Variants in ESS2 observed in about 807,000 individuals in gnomAD.
The protein encoded by ESS2 is ess-2 spliceosome associated protein.
Under a neutral mutation model 52.0 loss-of-function variants are expected in ESS2, and 31 were observed. The ratio of observed to expected loss-of-function variants is 0.60; its 90% CI spans 0.45 to 0.81. ESS2 has a LOEUF of 0.81. ESS2 is among the 30% of genes least tolerant of loss of function. The pLI is 0.00. For synonymous variants in ESS2, 285 were observed against 259.2 expected, an observed-to-expected ratio of 1.10 and a Z score of -0.95; for missense variants, 602 against 637.2, an observed-to-expected ratio of 0.94 and a Z score of 0.59.
Position 19,131,747 on chromosome 22 carries a change from G to A in ESS2, c.*2449C>T. 1.2e-6 allele frequency: 2 copies of A among 1,614,132 alleles called. No individual in the cohort carries two copies. The highest frequency in any genetic ancestry group is 1.1e-5 in the South Asian group (1 of 91,068). ...TGCATGAGGACGTGGCACGCAAGAT[G>A]TTCCGACAGCTCTCCTCCGCCGTCA... On this transcript the variant is annotated 3_prime_UTR_variant, in exon 10 of 10. Transcript: ENST00000252137. The surrounding 1 kb of genome is among the most constrained non-coding windows in gnomAD (Gnocchi z 5.7).
Position 19,134,396 on chromosome 22 carries a change from C to T in ESS2, c.1231G>A (p.Asp411Asn), listed in dbSNP as rs761563805. Residue 411 changes from aspartate (D) to asparagine (N), a missense_variant, in exon 10 of 10, where the codon GAC becomes AAC. Physicochemically the swap from Asp to Asn is conservative, Grantham distance 23 (BLOSUM62 1). Transcript: ENST00000252137. ...GTGTAGCTGGCCCGCAGGGCCCGGT[C>T]TGTGTACTTGCTGGCCGTCCTGCTC... ...LVSRTASKYT[D>N]RALRASYTPS... 5.6e-6 allele frequency: 9 copies of T among 1,611,270 alleles called. No homozygotes were observed. In the Admixed American group the frequency reaches 1.5e-4, roughly 27 times the overall value.
intron 8 of ESS2, 61 bp downstream of exon 8, chr22:19,137,262 A>T: frequency 8.0e-7 from 1 of 1,253,794 alleles, no homozygotes; most frequent in Non-Finnish European, 1.1e-6. Flanking sequence ...AGCCACAGGC[A>T]CTCAGGGCTC....
In ESS2 at chr22:19,134,017, TG is replaced by T. The variant is rs1390548320; in HGVS notation, c.*178del. On this transcript the variant is annotated 3_prime_UTR_variant, in exon 10 of 10. Coordinates refer to ENST00000252137, the MANE Select transcript of ESS2 (RefSeq NM_022719.3). ...CTTGGCAAGGCCCTGGGGTGTGGTG[TG>T]GGCACGAGTGCCTTGTGCCAGTCTG... 1.4e-5 allele frequency: 9 copies of T among 643,940 alleles called. No individual in the cohort carries two copies. In the African/African-American group the frequency reaches 1.7e-4, roughly 12 times the overall value. 39.9% of individuals were successfully genotyped at this position (643,940 alleles called of 1,614,324 possible). A position where few individuals can be genotyped will look rare whatever the true frequency, so the allele number is the denominator to read the frequency against.
At position 19,140,032 on chromosome 22, in the gene ESS2, G is replaced by A; in HGVS notation, c.401-8C>T. ...CCTCCTCTCCAGCCTCTCCTGCTTA[G>A]GGGTTGCGGGAGGAGGAACACAGCA... On this transcript the variant is annotated splice_polypyrimidine_tract_variant and splice_region_variant and intron_variant, in intron 3 of 9. Transcript: ENST00000252137. The A allele has an allele frequency of 6.2e-7, 1 of 1,613,096 alleles. No homozygotes were observed. The highest frequency in any genetic ancestry group is 8.5e-7 in the Non-Finnish European group (1 of 1,179,898).
At chr22:19,140,133 T>A in intron 3 of ESS2, 109 bp from the exon 4 acceptor site, 2 of 1,356,514 alleles carry the variant, frequency 1.5e-6, no homozygotes, top group Admixed American at 1.9e-5. Flanking sequence ...TGGAATCCTC[T>A]CCCCTGGTCC....
Position 19,133,202 on chromosome 22 carries a change from G to C in ESS2, c.*994C>G, listed in dbSNP as rs1046531496. On this transcript the variant is annotated 3_prime_UTR_variant, in exon 10 of 10. Transcript: ENST00000252137. ...CACTGGCCGGTCTTTTGTGCTTCCTGCTGGGTCACCCATTGCTCCCAAAGC... is the reference window on the plus strand; with the variant it reads ...CACTGGCCGGTCTTTTGTGCTTCCTCCTGGGTCACCCATTGCTCCCAAAGC... The C allele has an allele frequency of 6.6e-6, 1 of 152,282 alleles. No homozygotes were observed. The highest frequency in any genetic ancestry group is 1.5e-5 in the Non-Finnish European group (1 of 68,094). 9.4% of individuals were successfully genotyped at this position (152,282 alleles called of 1,614,324 possible).
chr22:19,142,627 G>T lies in ESS2; in HGVS notation c.311C>A (p.Thr104Asn), dbSNP rs1361818462. ...CTCAGGGGTTTCAAATGTGGCTGGAGTCACATCTAGGGGAAGAGAGGGGGA... is the reference window on the plus strand; with the variant it reads ...CTCAGGGGTTTCAAATGTGGCTGGATTCACATCTAGGGGAAGAGAGGGGGA... ...MSREPPPPYVTPATFETPEVH... is the reference protein window; with the variant it reads ...MSREPPPPYVNPATFETPEVH... Residue 104 changes from threonine to asparagine, a missense_variant, in exon 3 of 10, where the codon ACT becomes AAT. By Grantham distance (65) the Thr-to-Asn change is moderately conservative. Transcript: ENST00000252137. 2 of 1,613,076 alleles carry T rather than the reference G, an allele frequency of 1.2e-6. No homozygotes were observed. Among genetic ancestry groups the T allele is most frequent in the Non-Finnish European group, 1.7e-6 (2 of 1,179,648 alleles).
rs1431413489 is a variant in ESS2, at chr22:19,142,882, C to G, written c.148G>C (p.Val50Leu). The change falls in exon 2 of 10, where the codon GTC becomes CTC. Residue 50 changes from valine to leucine, a missense_variant. Transcript: ENST00000252137. The stretch of plus-strand genomic sequence containing the variant: ...TCAGGAAAGAAATCCCTTTGGATGA[C>G]CGTCTGGAGGCCCTGCAAGGAGAGA... ...EEEYIEGLQT[V>L]IQRDFFPDVE... The G allele has an allele frequency of 6.2e-7, 1 of 1,613,442 alleles. No individual in the cohort carries two copies. Among genetic ancestry groups the G allele is most frequent in the Non-Finnish European group, 8.5e-7 (1 of 1,179,728 alleles).
chr22:19,144,129 A>G, intron 1 of ESS2: 2 of 1,041,182 alleles, frequency 1.9e-6, no homozygotes, highest in Non-Finnish European at 2.3e-6. Context: ...CTCACTCGAG[A>G]TGCTGTCACA....
rs1489663652 is a variant in ESS2, at chr22:19,141,867, T to G, written c.400+671A>C. On this transcript the variant is annotated intron_variant, in intron 3 of 9. Transcript: ENST00000252137. Reference sequence around the variant, plus strand: ...AGCCAGGAGTGGTGGCAGGCGCCTGTAATCCCAGCTATTTGGGAGGCTAAG... The same window carrying G: ...AGCCAGGAGTGGTGGCAGGCGCCTGGAATCCCAGCTATTTGGGAGGCTAAG... 3.9e-5 allele frequency among the ~76,000 whole-genome samples: 6 copies of G among 152,088 alleles called. No individual in the cohort carries two copies. The East Asian group carries it at 1.2e-3, about 29-fold the overall frequency.
At chr22:19,138,842 G>A (rs542272050) in intron 6 of ESS2, among the ~76,000 whole-genome samples, 11 of 152,304 alleles carry the variant, frequency 7.2e-5, no homozygotes, top group Admixed American at 2.0e-4. Flanking sequence ...CTCCCTCTGC[G>A]GCTCTCTGGC....
chr22:19,134,468 G>C lies in ESS2; in HGVS notation c.1159C>G (p.Pro387Ala). 1.3e-6 allele frequency: 2 copies of C among 1,559,782 alleles called. No homozygotes were observed. Among genetic ancestry groups the C allele is most frequent in the Non-Finnish European group, 1.7e-6 (2 of 1,149,472 alleles). ...RVTENLASLT[P>A]KGLSPAMSPA... is the part of the protein sequence containing the mutation. The stretch of plus-strand genomic sequence containing the variant: ...GACATGGCTGGGCTCAGGCCTTTGG[G>C]GGTGAGGCTGGGGTGGAGGAATGGG... The change falls in exon 10 of 10, where the codon CCC becomes GCC. Residue 387 changes from proline to alanine, a missense_variant. Transcript: ENST00000252137.
chr22:19,135,021 C>T (rs758341254), intron 9 of ESS2, 39 bp downstream of exon 9: 2 of 1,585,434 alleles, frequency 1.3e-6, no homozygotes, highest in South Asian at 2.2e-5. Flanking sequence ...CAGGCCAGAG[C>T]CACCCTCGCA....
At chr22:19,135,609 C>T (rs1420124492) in intron 8 of ESS2, among the ~76,000 whole-genome samples, 2 of 152,106 alleles carry the variant, frequency 1.3e-5, no homozygotes, top group African/African-American at 2.4e-5. Flanking sequence ...AACTGTGCTA[C>T]GCTGTGCACA....
intron 3 of ESS2, among the ~76,000 whole-genome samples, chr22:19,141,764 G>T (rs2083690197): frequency 6.6e-6 from 1 of 152,204 alleles, no homozygotes; most frequent in Admixed American, 6.5e-5. Flanking sequence ...GAGGCAGACA[G>T]ATCACCTGAG....
chr22:19,140,112 A>G, intron 3 of ESS2, 88 bp from the exon 4 acceptor site: 1 of 1,492,574 alleles, frequency 6.7e-7, no homozygotes, highest in Admixed American at 1.7e-5. Context: ...ATAGCCCCCA[A>G]CATGCAGGGC....
rs1306839570 is a variant in ESS2, at chr22:19,139,210, G to A, written c.771C>T (p.Ser257=). ...KNTRFLRDPF[S]QALSRCQLQQ... Reference sequence around the variant, plus strand: ...GGAGCTGGCACCTGCTCAGGGCTTGGCTGAAGGGGTCCCTAAGGAAGCGCG... The same window carrying A: ...GGAGCTGGCACCTGCTCAGGGCTTGACTGAAGGGGTCCCTAAGGAAGCGCG... The change falls in exon 6 of 10, where the codon AGC becomes AGT. Residue 257 remains serine, a synonymous_variant. Coordinates refer to ENST00000252137, the MANE Select transcript of ESS2 (RefSeq NM_022719.3). 2 of 1,608,056 alleles carry A rather than the reference G, an allele frequency of 1.2e-6. No homozygotes were observed. The highest frequency in any genetic ancestry group is 2.7e-5 in the African/African-American group (2 of 74,824).
intron 3 of ESS2, among the ~76,000 whole-genome samples, chr22:19,141,714 G>A (rs1601362857): frequency 6.6e-6 from 1 of 152,162 alleles, no homozygotes; most frequent in Non-Finnish European, 1.5e-5. Context: ...TTGGCCAGGC[G>A]CGGTGGCTCA....
At chr22:19,137,275 G>C (rs936072934) in intron 8 of ESS2, 48 bp downstream of exon 8, 17 of 1,403,484 alleles carry the variant, frequency 1.2e-5, no homozygotes, top group Non-Finnish European at 1.7e-5. Flanking sequence ...CAGGGCTCCA[G>C]AGGTGTCCAC....
Sources: gnomAD v4.1 joint callset for allele counts (sites outside exome capture counted in the v4.1 genomes callset) on GRCh38, gnomAD v4.1.1 for gene constraint, Gnocchi (gnomAD v3.1) non-coding constraint, MANE v1.5 for transcripts, NCBI Gene and HGNC (gene_info 2026-07-23, HGNC 2026-07-21) for gene names.